The following PPCS variants were observed in gnomAD, a reference collection of about 807,000 sequenced individuals.
The protein encoded by PPCS is phosphopantothenate--cysteine ligase.
Under a neutral mutation model 24.6 loss-of-function variants are expected in PPCS, and 17 were observed. The ratio of observed to expected loss-of-function variants is 0.69; its 90% CI spans 0.47 to 1.04. The LOEUF is 1.04. PPCS is among the 50% of genes least tolerant of loss of function. The pLI, the probability that PPCS is intolerant of heterozygous loss-of-function variation, is 0.00. For synonymous variants in PPCS, 190 were observed against 168.3 expected, an observed-to-expected ratio of 1.13 and a Z score of -1.00; for missense variants, 360 against 402.8, an observed-to-expected ratio of 0.89 and a Z score of 0.91.
At chr1:42,465,807 A>G (rs1431355960), downstream of PPCS, among the ~76,000 whole-genome samples, 2 of 152,198 alleles carry the variant, frequency 1.3e-5, no homozygotes, top group Non-Finnish European at 2.9e-5. Context: ...ATGCTGCTCC[A>G]TATCTTAATA....
intron 2 of PPCS, 193 bp from the exon 3 acceptor site, chr1:42,459,410 C>A: frequency 1.7e-6 from 1 of 600,834 alleles, no homozygotes; most frequent in Non-Finnish European, 2.9e-6. Flanking sequence ...ATCCACCCAT[C>A]CTGGCCTTCC....
chr1:42,471,954 C>A (rs1438763474), intron 2 of PPCS, among the ~76,000 whole-genome samples: 4 of 152,108 alleles, frequency 2.6e-5, no homozygotes, highest in Non-Finnish European at 1.5e-5. Flanking sequence ...TCTGTCACTG[C>A]AATTTGGGTC....
At chr1:42,465,509 C>T (rs534925021), downstream of PPCS, among the ~76,000 whole-genome samples, 89 of 152,242 alleles carry the variant, frequency 5.8e-4, no homozygotes, top group African/African-American at 2.0e-3. Context: ...GGATTATAGG[C>T]ATGTGCCACC....
At chr1:42,461,799 C>A (rs1643420244), downstream of PPCS, among the ~76,000 whole-genome samples, 1 of 152,122 alleles carries the variant, frequency 6.6e-6, no homozygotes, top group Admixed American at 6.6e-5. Context: ...CCCGCCCCGG[C>A]CTTCCAAAGT....
Position 42,461,048 on chromosome 1 carries a change from C to T in PPCS, c.*1122C>T, listed in dbSNP as rs895568925. 6.6e-6 allele frequency among the ~76,000 whole-genome samples: 1 copy of T among 152,188 alleles called. No homozygotes were observed. The highest frequency in any genetic ancestry group is 1.5e-5 in the Non-Finnish European group (1 of 68,036). On this transcript the variant is annotated 3_prime_UTR_variant, in exon 3 of 3. Transcript: ENST00000372561. ...AGTGCAAAAAAATTCCCTAAATGAT[C>T]TGTAGGATAGTCCAGGTGCAATTTG... is the stretch of plus-strand genomic sequence containing the variant.
Position 42,473,161 on chromosome 1 carries a change from A to G in PPCS, n.417A>G. 1.1e-5 allele frequency: 14 copies of G among 1,230,688 alleles called. 1 individual carries two copies. The South Asian group carries it at 5.8e-4, about 51-fold the overall frequency. The allele number at this position is 1,230,688 out of a possible 1,614,324, so 76.2% of individuals were successfully genotyped here. On this transcript the variant is annotated non_coding_transcript_exon_variant, in exon 3 of 3. Transcript: ENST00000471420. The stretch of plus-strand genomic sequence containing the variant: ...AGAAGACATACTTCACCATCTTGAA[A>G]AAGAAGAAATCAATCCCCTTGCTAC...
rs1346930885 is a variant in PPCS, at chr1:42,459,598, T to C, written c.613-5T>C. Reference sequence around the variant, plus strand: ...GCTTATTAAGCTTTTCTTTTTCCAATACAGATAACAATGAAGATGGTGCCA... The same window carrying C: ...GCTTATTAAGCTTTTCTTTTTCCAACACAGATAACAATGAAGATGGTGCCA... On this transcript the variant is annotated splice_polypyrimidine_tract_variant and splice_region_variant and intron_variant, in intron 2 of 2. Coordinates refer to ENST00000372561, the MANE Select transcript of PPCS (RefSeq NM_024664.4). 1 of 1,610,406 alleles carries C rather than the reference T, an allele frequency of 6.2e-7. No individual in the cohort carries two copies. Among genetic ancestry groups the C allele is most frequent in the African/African-American group, 1.3e-5 (1 of 74,724 alleles).
chr1:42,473,398 A>G (rs1024804839), downstream of PPCS: 6 of 719,726 alleles, frequency 8.3e-6, no homozygotes, highest in African/African-American at 7.3e-5. Flanking sequence ...TTTGGCTATC[A>G]CTGTATAGTT....
At chr1:42,462,657 A>C (rs1643441880), downstream of PPCS, among the ~76,000 whole-genome samples, 1 of 152,232 alleles carries the variant, frequency 6.6e-6, no homozygotes, top group Admixed American at 6.5e-5. Flanking sequence ...GAGCATCTAA[A>C]AAGATGATAT....
chr1:42,469,321 G>C (rs1643690352), intron 2 of PPCS, among the ~76,000 whole-genome samples: 1 of 152,232 alleles, frequency 6.6e-6, no homozygotes, highest in Non-Finnish European at 1.5e-5. Context: ...GTTTGAAACT[G>C]TAGTGAGCTA....
chr1:42,462,856 G>C (rs964411773), downstream of PPCS, among the ~76,000 whole-genome samples: 13 of 152,270 alleles, frequency 8.5e-5, no homozygotes, highest in Non-Finnish European at 1.8e-4. Flanking sequence ...CAAAAATTGT[G>C]ATTTATCTTA....
At chr1:42,471,781 A>T (rs947005776) in intron 2 of PPCS, among the ~76,000 whole-genome samples, 1 of 152,232 alleles carries the variant, frequency 6.6e-6, no homozygotes, top group African/African-American at 2.4e-5. Flanking sequence ...TATGAGTATC[A>T]GCTGATAATT....
intron 2 of PPCS, among the ~76,000 whole-genome samples, chr1:42,458,261 G>C (rs1027594993): frequency 2.0e-5 from 3 of 152,236 alleles, no homozygotes; most frequent in African/African-American, 7.2e-5. Context: ...ACGAAGTAGA[G>C]AAGGAGAAAG....
intron 2 of PPCS, among the ~76,000 whole-genome samples, chr1:42,470,223 A>G (rs1643723949): frequency 6.6e-6 from 1 of 152,166 alleles, no homozygotes; most frequent in Non-Finnish European, 1.5e-5. Flanking sequence ...CAGAGATTGG[A>G]GGTCTCACTG....
chr1:42,469,457 G>A (rs915790315), intron 2 of PPCS, among the ~76,000 whole-genome samples: 3 of 152,168 alleles, frequency 2.0e-5, no homozygotes, highest in African/African-American at 7.2e-5. Flanking sequence ...AGGAGTGTGG[G>A]AGACAAATTG....
At chr1:42,471,317 A>T (rs904894087) in intron 2 of PPCS, among the ~76,000 whole-genome samples, 1 of 152,136 alleles carries the variant, frequency 6.6e-6, no homozygotes, top group Admixed American at 6.5e-5. Context: ...CAGCATGGGG[A>T]TTATGCTGTT....
At chr1:42,464,753 G>A (rs1315101157), downstream of PPCS, among the ~76,000 whole-genome samples, 5 of 152,100 alleles carry the variant, frequency 3.3e-5, no homozygotes, top group Non-Finnish European at 7.3e-5. Flanking sequence ...TCAGTATTCA[G>A]GTTTAAAAGT....
At position 42,459,811 on chromosome 1, in the gene PPCS, C is replaced by T. The variant is rs756903119; in HGVS notation, c.821C>T (p.Ser274Leu). 12 of 1,613,828 alleles carry T rather than the reference C, an allele frequency of 7.4e-6. No homozygotes were observed. The highest frequency in any genetic ancestry group is 4.5e-5 in the East Asian group (2 of 44,882). ...QSFVFIVTKD[S>L]ETKLLLSEEE... ...TTTGTGTTTATTGTAACCAAAGACT[C>T]GGAAACCAAGTTATTGCTATCAGAG... The change falls in exon 3 of 3, where the codon TCG becomes TTG. Residue 274 changes from serine to leucine, a missense_variant. Coordinates refer to ENST00000372561, the MANE Select transcript of PPCS (RefSeq NM_024664.4).
downstream of PPCS, among the ~76,000 whole-genome samples, chr1:42,465,222 G>C (rs1304236785): frequency 6.6e-6 from 1 of 152,088 alleles, no homozygotes; most frequent in Non-Finnish European, 1.5e-5. Flanking sequence ...GAGGTGGGAG[G>C]ATCACTTGAT....
Sources: gnomAD v4.1 joint callset for allele counts (sites outside exome capture counted in the v4.1 genomes callset) on GRCh38, gnomAD v4.1.1 for gene constraint, MANE v1.5 for transcripts, NCBI Gene and HGNC (gene_info 2026-07-23, HGNC 2026-07-21) for gene names.